Variants in UGT3A1 observed in about 807,000 individuals in gnomAD.
The protein encoded by UGT3A1 is UDP glycosyltransferase family 3 member A1.
Under a neutral mutation model 37.6 loss-of-function variants are expected in UGT3A1, and 40 were observed. The observed-to-expected ratio is 1.06, with a 90% CI of 0.83 to 1.38. The LOEUF is 1.38. UGT3A1 is among the 40% of genes most tolerant of loss of function. The pLI is 0.00. For missense variants in UGT3A1, 642 were observed against 634.2 expected (o/e 1.01, Z -0.13); for synonymous variants, 256 against 232.3 (o/e 1.10, Z -0.93).
intron 2 of UGT3A1, among the ~76,000 whole-genome samples, chr5:35,983,750 A>G (rs1370219090): frequency 6.6e-6 from 1 of 152,232 alleles, no homozygotes; most frequent in Non-Finnish European, 1.5e-5. Flanking sequence ...CAACATATGC[A>G]AATCAACAAA....
chr5:35,955,616 A>G, intron 6 of UGT3A1, 29 bp downstream of exon 6: 1 of 1,611,560 alleles, frequency 6.2e-7, no homozygotes, highest in Non-Finnish European at 8.5e-7. Flanking sequence ...ATTCAGCCTT[A>G]GTGACCACAT....
At chr5:35,959,255 T>C (rs949685923) in intron 4 of UGT3A1, among the ~76,000 whole-genome samples, 25 of 152,266 alleles carry the variant, frequency 1.6e-4, no homozygotes, top group Admixed American at 3.3e-4. Context: ...TAACTAATTG[T>C]TCAAATGTCC....
chr5:35,972,406 T>C (rs547078351), intron 2 of UGT3A1, among the ~76,000 whole-genome samples: 1 of 152,208 alleles, frequency 6.6e-6, no homozygotes, highest in South Asian at 2.1e-4. Context: ...ACATCAGATC[T>C]TGCTTGAGAC....
At chr5:35,957,143 A>G in intron 5 of UGT3A1, 45 bp downstream of exon 5, 1 of 1,543,968 alleles carries the variant, frequency 6.5e-7, no homozygotes, top group Non-Finnish European at 8.9e-7. Context: ...CGAGCACCAA[A>G]GGCAGGTCAA....
intron 6 of UGT3A1, 97 bp from the exon 7 acceptor site, chr5:35,954,575 T>C (rs1476510060): frequency 5.6e-6 from 8 of 1,435,988 alleles, no homozygotes; most frequent in Non-Finnish European, 7.6e-6. Context: ...TACAAACACT[T>C]TTCTAACACA....
Position 35,954,162 on chromosome 5 carries a change from ACCAGGG to A in UGT3A1, c.*34_*39del, listed in dbSNP as rs2149944822. On this transcript the variant is annotated 3_prime_UTR_variant, in exon 7 of 7. Coordinates refer to ENST00000274278, the MANE Select transcript of UGT3A1 (RefSeq NM_152404.4). ...CTGGGGTGGGGAGAACCTTCAAAGG[ACCAGGG>A]ATGCCCTCCCCTCACCCAAGGCTAC... 1 of 1,595,592 alleles carries A rather than the reference ACCAGGG, an allele frequency of 6.3e-7. No homozygotes were observed. Among genetic ancestry groups the A allele is most frequent in the African/African-American group, 1.3e-5 (1 of 74,788 alleles).
At chr5:35,972,046 G>A (rs1740063054) in intron 2 of UGT3A1, among the ~76,000 whole-genome samples, 1 of 151,992 alleles carries the variant, frequency 6.6e-6, no homozygotes, top group South Asian at 2.1e-4. Context: ...GACTCAGAGA[G>A]AAGCGCACCA....
chr5:35,969,437 GA>G (rs1304967464), intron 2 of UGT3A1, among the ~76,000 whole-genome samples: 1 of 152,000 alleles, frequency 6.6e-6, no homozygotes, highest in Admixed American at 6.6e-5. Flanking sequence ...AACTCTCTCA[GA>G]AAGAAACTTA....
At chr5:35,966,454 A>T (rs1739812435) in intron 3 of UGT3A1, among the ~76,000 whole-genome samples, 1 of 152,230 alleles carries the variant, frequency 6.6e-6, no homozygotes, top group East Asian at 1.9e-4. Context: ...CTGAAACGAG[A>T]TTTTTCTTCC....
chr5:36,000,670 C>T (rs1221807397), intron 1 of UGT3A1, among the ~76,000 whole-genome samples: 1 of 152,180 alleles, frequency 6.6e-6, no homozygotes, highest in African/African-American at 2.4e-5. Flanking sequence ...AACCCCAAGA[C>T]ACAGGACCAG....
At chr5:35,969,696 A>C (rs1393030272) in intron 2 of UGT3A1, among the ~76,000 whole-genome samples, 1 of 152,228 alleles carries the variant, frequency 6.6e-6, no homozygotes, top group East Asian at 1.9e-4. Context: ...TGTAAGTTCT[A>C]GATTAACATC....
rs765086173 is a variant in UGT3A1 at position 35,957,377 on chromosome 5, C to A, written c.886G>T (p.Val296Phe). 1 of 1,614,144 alleles carries A rather than the reference C, an allele frequency of 6.2e-7. No individual in the cohort carries two copies. The highest frequency in any genetic ancestry group is 8.5e-7 in the Non-Finnish European group (1 of 1,180,030). ...FIANFGDAGF[V>F]LVAFGSMLNT... ...AACATGGAGCCAAAGGCCACAAGGACAAACCCTGCATCCCCAAAGTTGGCA... is the reference window on the plus strand; with the variant it reads ...AACATGGAGCCAAAGGCCACAAGGAAAAACCCTGCATCCCCAAAGTTGGCA... Residue 296 changes from valine (V) to phenylalanine (F), a missense_variant, in exon 5 of 7, where the codon GTC becomes TTC. Val to Phe is a conservative substitution (Grantham distance 50). Coordinates refer to ENST00000274278, the MANE Select transcript of UGT3A1 (RefSeq NM_152404.4).
At chr5:35,970,408 A>G (rs1429057400) in intron 2 of UGT3A1, among the ~76,000 whole-genome samples, 5 of 149,380 alleles carry the variant, frequency 3.3e-5, no homozygotes, top group Non-Finnish European at 5.9e-5. Context: ...AAAAAAAGCC[A>G]TCAGATCTCG....
At chr5:35,995,985 C>T (rs1270413069), upstream of UGT3A1, among the ~76,000 whole-genome samples, 1 of 147,154 alleles carries the variant, frequency 6.8e-6, no homozygotes, top group South Asian at 2.1e-4. Context: ...GACTAATGAA[C>T]TAGTTAACTT....
intron 2 of UGT3A1, 92 bp from the exon 3 acceptor site, chr5:35,968,225 T>C: frequency 1.3e-6 from 1 of 762,024 alleles, no homozygotes; most frequent in South Asian, 2.2e-5. Flanking sequence ...TTCTATTAAT[T>C]TTACATTTAT....
intron 1 of UGT3A1, 67 bp downstream of exon 1, chr5:35,991,080 G>A (rs1228014899): frequency 1.2e-6 from 2 of 1,613,936 alleles, no homozygotes; most frequent in Non-Finnish European, 1.7e-6. Flanking sequence ...ATCGCCGTTC[G>A]CTGGAGCCCT....
At chr5:35,994,807 A>T (rs932241200), upstream of UGT3A1, among the ~76,000 whole-genome samples, 1 of 152,222 alleles carries the variant, frequency 6.6e-6, no homozygotes, top group Non-Finnish European at 1.5e-5. Flanking sequence ...ATGGGGAATA[A>T]GGTCTCTAAG....
chr5:35,988,076 G>A (rs1740794167), intron 2 of UGT3A1, among the ~76,000 whole-genome samples: 1 of 152,070 alleles, frequency 6.6e-6, no homozygotes, highest in South Asian at 2.1e-4. Context: ...AGTAACCTGT[G>A]GGATAAGAAG....
At chr5:35,983,252 G>A (rs1740600734) in intron 2 of UGT3A1, among the ~76,000 whole-genome samples, 2 of 151,956 alleles carry the variant, frequency 1.3e-5, no homozygotes, top group South Asian at 4.2e-4. Context: ...AGCATTAAAA[G>A]TCTCTATATT....
Sources: allele counts gnomAD v4.1 joint callset (sites outside exome capture counted in the v4.1 genomes callset), GRCh38; gene constraint gnomAD v4.1.1; transcripts MANE v1.5; gene names NCBI Gene and HGNC (gene_info 2026-07-23, HGNC 2026-07-21).